The following TMEM135 variants were observed in gnomAD, a reference collection of about 807,000 sequenced individuals.
The protein encoded by TMEM135 is transmembrane protein 135, also known as peroxisomal membrane protein 52.
TMEM135 carries 30 observed loss-of-function variants against 60.3 expected under a neutral mutation model. The observed-to-expected ratio is 0.50, with a 90% CI of 0.37 to 0.68. The LOEUF is 0.68. Among genes scored for constraint, TMEM135 ranks in the 30% least tolerant of loss-of-function variants. TMEM135 has a pLI of 0.00. For missense variants in TMEM135, 468 were observed against 548.8 expected (o/e 0.85, Z 1.47); for synonymous variants, 190 against 186.7 (o/e 1.02, Z -0.14).
intron 6 of TMEM135, among the ~76,000 whole-genome samples, chr11:87,266,039 A>G (rs1443119096): frequency 6.6e-6 from 1 of 152,176 alleles, no homozygotes; most frequent in Non-Finnish European, 1.5e-5. Flanking sequence ...GACTCACAGT[A>G]ATGAAAAAGG....
chr11:87,263,184 T>C (rs1317199079), intron 6 of TMEM135, among the ~76,000 whole-genome samples: 1 of 152,162 alleles, frequency 6.6e-6, no homozygotes, highest in Non-Finnish European at 1.5e-5. Context: ...TGTTTTATTT[T>C]TGAGCAATCA....
chr11:87,161,456 T>G (rs2135273504), intron 5 of TMEM135, among the ~76,000 whole-genome samples: 1 of 152,296 alleles, frequency 6.6e-6, no homozygotes, highest in South Asian at 2.1e-4. Flanking sequence ...AAATTATCTC[T>G]TTTCTCATAT....
intron 5 of TMEM135, among the ~76,000 whole-genome samples, chr11:87,205,635 C>T (rs1373913014): frequency 6.6e-6 from 1 of 152,098 alleles, no homozygotes; most frequent in Non-Finnish European, 1.5e-5. Flanking sequence ...GTGTTACAGC[C>T]AGCTTTTAAA....
intron 5 of TMEM135, among the ~76,000 whole-genome samples, chr11:87,196,185 T>G (rs1287963496): frequency 6.6e-6 from 1 of 152,094 alleles, no homozygotes; most frequent in Admixed American, 6.6e-5. Context: ...TTGTGACAGA[T>G]TTTGGGGGAA....
At chr11:87,038,331 A>C (rs1477478393) in intron 1 of TMEM135, 145 bp downstream of exon 1, 47 of 251,488 alleles carry the variant, frequency 1.9e-4, no homozygotes, top group Non-Finnish European at 2.7e-4. Context: ...GGGGGTCGGT[A>C]GGGGGAAGGG....
At chr11:87,214,090 G>A (rs547691815) in intron 5 of TMEM135, among the ~76,000 whole-genome samples, 1 of 152,262 alleles carries the variant, frequency 6.6e-6, no homozygotes, top group Admixed American at 6.5e-5. Flanking sequence ...TGGTGGTGTG[G>A]TAGTAGTAGT....
intron 5 of TMEM135, among the ~76,000 whole-genome samples, chr11:87,209,899 A>G (rs2135341644): frequency 6.6e-6 from 1 of 152,302 alleles, no homozygotes; most frequent in East Asian, 1.9e-4. Flanking sequence ...CATGGAAGTT[A>G]AACAGCCTGC....
At chr11:87,183,639 G>C (rs1939577556) in intron 5 of TMEM135, among the ~76,000 whole-genome samples, 1 of 151,900 alleles carries the variant, frequency 6.6e-6, no homozygotes, top group Non-Finnish European at 1.5e-5. Context: ...TTGTGAATGG[G>C]CTTACTTTCT....
chr11:87,309,766 C>A, intron 10 of TMEM135, 94 bp downstream of exon 10: 1 of 1,339,184 alleles, frequency 7.5e-7, no homozygotes. Context: ...TTTTTTAATG[C>A]TTCTTTCTGG....
chr11:87,109,075 C>A (rs1402978927), intron 4 of TMEM135, among the ~76,000 whole-genome samples: 1 of 152,028 alleles, frequency 6.6e-6, no homozygotes, highest in African/African-American at 2.4e-5. Flanking sequence ...AGAGAGAGTA[C>A]AAAGGAACAC....
chr11:87,273,909 G>GT (rs1248374119), intron 6 of TMEM135, among the ~76,000 whole-genome samples: 1 of 151,890 alleles, frequency 6.6e-6, no homozygotes, highest in South Asian at 2.1e-4. Context: ...CATTGTTTTG[G>GT]TAAACATTGT....
intron 6 of TMEM135, among the ~76,000 whole-genome samples, chr11:87,244,062 A>C: frequency 1.2e-5 from 1 of 85,610 alleles, no homozygotes; most frequent in Non-Finnish European, 2.7e-5. Context: ...TAGCATGAAG[A>C]GTTGTTGAAT....
rs141714756 is a variant in TMEM135, at chr11:87,215,081, G to C, written c.463-21557G>C. Reference sequence around the variant, plus strand: ...ATTTAATTATATTAAATTGTTTACAGAAGGTGTCACATATTTCTTTTTCTT... The same window carrying C: ...ATTTAATTATATTAAATTGTTTACACAAGGTGTCACATATTTCTTTTTCTT... On this transcript the variant is annotated intron_variant, in intron 5 of 14. Transcript: ENST00000305494. Among the ~76,000 whole-genome samples, 118 of 152,130 alleles carry C rather than the reference G, an allele frequency of 7.8e-4. No homozygotes were observed. In the East Asian group the frequency reaches 0.021, roughly 27 times the overall value.
intron 5 of TMEM135, 120 bp downstream of exon 5, chr11:87,157,526 A>G (rs2135268146): frequency 1.2e-6 from 1 of 863,062 alleles, no homozygotes; most frequent in South Asian, 1.5e-5. Context: ...TCTGATGTAT[A>G]TAATATTGAG....
chr11:87,097,539 T>A (rs557973278), intron 4 of TMEM135, among the ~76,000 whole-genome samples: 2 of 152,212 alleles, frequency 1.3e-5, no homozygotes, highest in Non-Finnish European at 2.9e-5. Context: ...CTTTTGCCAA[T>A]GTTACCAAAG....
At chr11:87,245,078 A>C (rs1370748531) in intron 6 of TMEM135, among the ~76,000 whole-genome samples, 2 of 136,222 alleles carry the variant, frequency 1.5e-5, no homozygotes, top group East Asian at 4.0e-4. Context: ...TTCAAAGAAC[A>C]TCTTTATTTC....
intron 5 of TMEM135, among the ~76,000 whole-genome samples, chr11:87,212,999 T>C (rs886706589): frequency 6.6e-6 from 1 of 152,190 alleles, no homozygotes; most frequent in African/African-American, 2.4e-5. Context: ...AGTCATACTT[T>C]AACTCATCTT....
At chr11:87,113,677 A>G (rs972476618) in intron 4 of TMEM135, among the ~76,000 whole-genome samples, 1 of 151,718 alleles carries the variant, frequency 6.6e-6, no homozygotes, top group East Asian at 1.9e-4. Flanking sequence ...TGTCCATTTG[A>G]CTCCTAGGCC....
At chr11:87,038,307 G>C in intron 1 of TMEM135, 121 bp downstream of exon 1, 1 of 1,200,736 alleles carries the variant, frequency 8.3e-7, no homozygotes, top group Admixed American at 2.0e-5. Flanking sequence ...TTTTGGAGGG[G>C]TCGGAGTGTT....
Sources: allele counts gnomAD v4.1 joint callset (sites outside exome capture counted in the v4.1 genomes callset), GRCh38; gene constraint gnomAD v4.1.1; transcripts MANE v1.5; gene names NCBI Gene and HGNC (gene_info 2026-07-23, HGNC 2026-07-21).